Variants in MAPKBP1 observed in about 807,000 individuals in gnomAD.
The protein encoded by MAPKBP1 is mitogen-activated protein kinase-binding protein 1.
MAPKBP1 carries 71 observed loss-of-function variants against 170.5 expected under a neutral mutation model. That is an observed-to-expected ratio of 0.42 (90% CI 0.34 to 0.51). The LOEUF (loss-of-function observed/expected upper bound fraction) is 0.51, where lower values mean the gene tolerates loss of function less well. Ranked by LOEUF, MAPKBP1 falls within the 20% of genes least tolerant of loss-of-function variation. MAPKBP1 has a pLI of 0.06. For missense variants in MAPKBP1, 1,598 were observed against 1,933.0 expected (o/e 0.83, Z 3.25); for synonymous variants, 719 against 757.9 (o/e 0.95, Z 0.84).
At chr15:41,811,118 AG>A in intron 4 of MAPKBP1, 59 bp from the exon 5 acceptor site, 1 of 1,594,186 alleles carries the variant, frequency 6.3e-7, no homozygotes, top group South Asian at 1.1e-5. Flanking sequence ...AGAGGCTGGG[AG>A]GGGGCTAGGC....
chr15:41,819,554 G>GGGGGGGGGGGGA, intron 21 of MAPKBP1, 41 bp from the exon 22 acceptor site: 1 of 1,495,298 alleles, frequency 6.7e-7, no homozygotes, highest in Non-Finnish European at 9.2e-7. Context: ...TGGCGGGGGG[G>GGGGGGGGGGGGA]GGGCAGGAGA....
At chr15:41,790,849 C>A (rs2064383964) in intron 2 of MAPKBP1, among the ~76,000 whole-genome samples, 1 of 152,204 alleles carries the variant, frequency 6.6e-6, no homozygotes, top group Non-Finnish European at 1.5e-5. Context: ...TTAGCCTGGG[C>A]ATGATACCTG....
intron 2 of MAPKBP1, among the ~76,000 whole-genome samples, chr15:41,787,492 C>T (rs993461258): frequency 2.6e-5 from 4 of 152,012 alleles, no homozygotes; most frequent in African/African-American, 4.8e-5. Flanking sequence ...CTCCGCCTCC[C>T]GAGTAACTGG....
At position 41,827,331 on chromosome 15, in the gene MAPKBP1, T is replaced by G. The variant is rs2065126116; in HGVS notation, c.*1895T>G. ...AAAAAAGAAAAAGGGTTACAAAAGG[T>G]TCCCAGCTCCGGGGCATCAGCCTGA... On this transcript the variant is annotated 3_prime_UTR_variant, in exon 31 of 31. Coordinates refer to ENST00000457542, the MANE Select transcript of MAPKBP1 (RefSeq NM_014994.3). 1 of 149,612 alleles carries G rather than the reference T, an allele frequency of 6.7e-6. No homozygotes were observed. The highest frequency in any genetic ancestry group is 1.5e-5 in the Non-Finnish European group (1 of 67,652). The allele number at this position is 149,612 out of a possible 1,614,324, so 9.3% of individuals were successfully genotyped here.
chr15:41,825,546 G>C lies in MAPKBP1; in HGVS notation c.*110G>C. 5.2e-6 allele frequency: 5 copies of C among 960,502 alleles called. No homozygotes were observed. The highest frequency in any genetic ancestry group is 1.7e-5 in the African/African-American group (1 of 60,294). The allele number at this position is 960,502 out of a possible 1,614,324, so 59.5% of individuals were successfully genotyped here. On this transcript the variant is annotated 3_prime_UTR_variant, in exon 31 of 31. Coordinates refer to ENST00000457542, the MANE Select transcript of MAPKBP1 (RefSeq NM_014994.3). The stretch of plus-strand genomic sequence containing the variant: ...TGCTTGGAGTGGAAAGCAGGGAGCA[G>C]TGTTCAGAGGCAAAGCAGCCTTCCC...
intron 2 of MAPKBP1, among the ~76,000 whole-genome samples, chr15:41,789,498 C>T (rs1257427052): frequency 6.6e-6 from 1 of 152,150 alleles, no homozygotes; most frequent in African/African-American, 2.4e-5. Flanking sequence ...CCTTCATTCC[C>T]TCTCCCTCTA....
At chr15:41,816,060 C>A (rs2064885062) in intron 12 of MAPKBP1, among the ~76,000 whole-genome samples, 1 of 152,154 alleles carries the variant, frequency 6.6e-6, no homozygotes, top group South Asian at 2.1e-4. Flanking sequence ...GGTATTCTTA[C>A]CAAAAATGCA....
At chr15:41,819,770 C>T (rs969251956) in intron 22 of MAPKBP1, 120 bp downstream of exon 22, 21 of 1,042,724 alleles carry the variant, frequency 2.0e-5, no homozygotes, top group South Asian at 1.8e-4. Context: ...ATGCTGCACT[C>T]GTGTGTCCAA....
At chr15:41,786,775 A>AC (rs1402898570) in intron 2 of MAPKBP1, among the ~76,000 whole-genome samples, 1 of 12,450 alleles carries the variant, frequency 8.0e-5, no homozygotes, top group Non-Finnish European at 1.8e-4. Flanking sequence ...AAAAAAAAAA[A>AC]AAATATATAT....
intron 2 of MAPKBP1, among the ~76,000 whole-genome samples, chr15:41,799,026 G>C (rs1250198342): frequency 6.6e-6 from 1 of 152,196 alleles, no homozygotes; most frequent in African/African-American, 2.4e-5. Context: ...CTAGCAGAAA[G>C]ACCAATGAAT....
Position 41,826,911 on chromosome 15 carries a change from C to CT in MAPKBP1, c.*1476dup. The CT allele has an allele frequency of 6.6e-6, 1 of 152,368 alleles. No homozygotes were observed. Among genetic ancestry groups the CT allele is most frequent in the East Asian group, 1.9e-4 (1 of 5,192 alleles). The allele number at this position is 152,368 out of a possible 1,614,324, so 9.4% of individuals were successfully genotyped here. A position where few individuals can be genotyped will look rare whatever the true frequency, so the allele number is the denominator to read the frequency against. On this transcript the variant is annotated 3_prime_UTR_variant, in exon 31 of 31. Transcript: ENST00000457542. ...TTCTGGGCCCTACTGCTCCCCTCTGCTGCAGGTAAGTCAGAGCAGCTTTAC... is the reference window on the plus strand; with the variant it reads ...TTCTGGGCCCTACTGCTCCCCTCTGCTTGCAGGTAAGTCAGAGCAGCTTTAC...
chr15:41,799,958 T>C, intron 3 of MAPKBP1, 44 bp downstream of exon 3: 3 of 1,525,554 alleles, frequency 2.0e-6, no homozygotes, highest in East Asian at 2.3e-5. Context: ...TGGGAATTTA[T>C]AGCCACGCTA....
At chr15:41,810,848 T>C (rs2064792500) in intron 3 of MAPKBP1, 35 bp from the exon 4 acceptor site, 1 of 1,609,758 alleles carries the variant, frequency 6.2e-7, no homozygotes, top group Non-Finnish European at 8.5e-7. Context: ...GAGCTGTGGT[T>C]TGCTGCTGAG....
At chr15:41,800,054 C>G in intron 3 of MAPKBP1, 140 bp downstream of exon 3, 1 of 719,842 alleles carries the variant, frequency 1.4e-6, no homozygotes, top group South Asian at 1.7e-5. Flanking sequence ...TGTAAAGAGA[C>G]GCAGGACCAG....
At chr15:41,810,756 G>T in intron 3 of MAPKBP1, 127 bp from the exon 4 acceptor site, 7 of 646,864 alleles carry the variant, frequency 1.1e-5, no homozygotes, top group African/African-American at 1.8e-5. Flanking sequence ...GAAAAAAACA[G>T]TGGAGCCCTT....
chr15:41,780,757 C>T (rs2064172565), intron 2 of MAPKBP1, among the ~76,000 whole-genome samples: 1 of 145,842 alleles, frequency 6.9e-6, no homozygotes, highest in South Asian at 2.2e-4. Context: ...CTTCTGTTAC[C>T]TTAAAAAAAA....
rs531906938 is a variant in MAPKBP1, at chr15:41,794,923, G to T, written c.115-4900G>T. 1.6e-3 allele frequency among the ~76,000 whole-genome samples: 237 copies of T among 152,280 alleles called. 2 individuals are homozygous for T. The highest frequency in any genetic ancestry group is 5.5e-3 in the African/African-American group (230 of 41,562). ...CTCATGCCTGTGATCCCAGCACTTTGGGAGGCCGAGGCGGGCAGATCACTT... is the reference window on the plus strand; with the variant it reads ...CTCATGCCTGTGATCCCAGCACTTTTGGAGGCCGAGGCGGGCAGATCACTT... On this transcript the variant is annotated intron_variant, in intron 2 of 30. Transcript: ENST00000457542.
At chr15:41,821,820 G>A (rs1420071053) in intron 24 of MAPKBP1, 70 bp downstream of exon 24, 1 of 1,596,730 alleles carries the variant, frequency 6.3e-7, no homozygotes, top group Non-Finnish European at 8.6e-7. Flanking sequence ...TTTAGTCGAG[G>A]GAGGGTTGGC....
At chr15:41,804,693 G>A (rs1479017945) in intron 3 of MAPKBP1, among the ~76,000 whole-genome samples, 2 of 152,232 alleles carry the variant, frequency 1.3e-5, no homozygotes, top group African/African-American at 4.8e-5. Flanking sequence ...CATGTGCCTG[G>A]GAGTCATGAT....
Sources: allele counts gnomAD v4.1 joint callset (sites outside exome capture counted in the v4.1 genomes callset), GRCh38; gene constraint gnomAD v4.1.1; transcripts MANE v1.5; gene names NCBI Gene and HGNC (gene_info 2026-07-23, HGNC 2026-07-21).